Variants in RLN3 observed in about 807,000 individuals in gnomAD.
RLN3 encodes relaxin-3.
Under a neutral mutation model 10.2 loss-of-function variants are expected in RLN3, and 13 were observed. The observed-to-expected ratio is 1.28, with a 90% CI of 0.83 to 2.03. The LOEUF is 2.03. Among genes scored for constraint, RLN3 ranks in the 30% most tolerant of loss-of-function variants. RLN3 has a pLI of 0.00. For synonymous variants in RLN3, 56 were observed against 79.2 expected (o/e 0.71, Z 1.56); for missense variants, 191 against 187.2 (o/e 1.02, Z -0.12).
At position 14,031,228 on chromosome 19, in the gene RLN3, A is replaced by C; in HGVS notation, c.*280A>C. On this transcript the variant is annotated 3_prime_UTR_variant, in exon 2 of 2. Coordinates refer to ENST00000431365, the MANE Select transcript of RLN3 (RefSeq NM_080864.4). ...TGACCCCTGACCTCTCCCCAGCCCT[A>C]ACCATGCGTTTGCCTGGCCTACACA... 2.4e-6 allele frequency: 1 copy of C among 417,910 alleles called. No individual in the cohort carries two copies. The highest frequency in any genetic ancestry group is 4.3e-6 in the Non-Finnish European group (1 of 231,872). The allele number at this position is 417,910 out of a possible 1,614,324, so 25.9% of individuals were successfully genotyped here. A position where few individuals can be genotyped will look rare whatever the true frequency, so the allele number is the denominator to read the frequency against.
In RLN3 at chr19:14,028,259, C is replaced by T; in HGVS notation, c.55C>T (p.Leu19=). 1 of 1,612,912 alleles carries T rather than the reference C, an allele frequency of 6.2e-7. No individual in the cohort carries two copies. ...LLAVWVLTGE[L]WPGAEARAAP... ...GGCGGTATGGGTGCTGACCGGGGAG[C>T]TGTGGCCGGGAGCTGAGGCCCGGGC... Residue 19 remains leucine (L), a synonymous_variant, in exon 1 of 2, where the codon CTG becomes TTG. Coordinates refer to ENST00000431365, the MANE Select transcript of RLN3 (RefSeq NM_080864.4).
Position 14,028,384 on chromosome 19 carries a change from C to T in RLN3, c.180C>T (p.His60=), listed in dbSNP as rs79665112. 0.011 allele frequency: 17,258 copies of T among 1,610,144 alleles called. 1,639 individuals are homozygous for T. In the African/African-American group the frequency reaches 0.2, roughly 19 times the overall value. Reference sequence around the variant, plus strand: ...GGAGACGATCAGACATCCTGGCCCACGAGGCTATGGGTGAGGCTGGGGAGA... The same window carrying T: ...GGAGACGATCAGACATCCTGGCCCATGAGGCTATGGGTGAGGCTGGGGAGA... ...SRWRRSDILA[H]EAMGDTFPDA... is the part of the protein sequence containing the mutation. Residue 60 remains histidine (H), a synonymous_variant, in exon 1 of 2, where the codon CAC becomes CAT. Coordinates refer to ENST00000431365, the MANE Select transcript of RLN3 (RefSeq NM_080864.4).
chr19:14,031,354 TA>T lies in RLN3; in HGVS notation c.*410del. 4.5e-6 allele frequency: 1 copy of T among 221,076 alleles called. No homozygotes were observed. The highest frequency in any genetic ancestry group is 9.0e-6 in the Non-Finnish European group (1 of 111,552). 13.7% of individuals were successfully genotyped at this position (221,076 alleles called of 1,614,324 possible). On this transcript the variant is annotated 3_prime_UTR_variant, in exon 2 of 2. Transcript: ENST00000431365. The stretch of plus-strand genomic sequence containing the variant: ...CTGTGGCCATTGTCCCCTGACCAGC[TA>T]AAATCAAGCCTCTGTCTCAGTCCAG...
In RLN3 at chr19:14,031,502, G is replaced by C; in HGVS notation, c.*554G>C. On this transcript the variant is annotated 3_prime_UTR_variant, in exon 2 of 2. Transcript: ENST00000431365. ...AGGTGGCCCCCCTAGGAGAGCTCTGGGCACATTCGAATCTTCCCAAACTCC... is the reference window on the plus strand; with the variant it reads ...AGGTGGCCCCCCTAGGAGAGCTCTGCGCACATTCGAATCTTCCCAAACTCC... 3.3e-6 allele frequency: 1 copy of C among 300,088 alleles called. No individual in the cohort carries two copies. The allele number at this position is 300,088 out of a possible 1,614,324, so 18.6% of individuals were successfully genotyped here. A position where few individuals can be genotyped will look rare whatever the true frequency, so the allele number is the denominator to read the frequency against.
chr19:14,029,641 G>A (rs975848679), intron 1 of RLN3, among the ~76,000 whole-genome samples: 8 of 151,548 alleles, frequency 5.3e-5, no homozygotes, highest in Middle Eastern at 3.2e-3. Flanking sequence ...ATGAGCCACC[G>A]CGCCCAGCCA....
At chr19:14,030,512 G>C (rs1486070677) in intron 1 of RLN3, among the ~76,000 whole-genome samples, 198 bp from the exon 2 acceptor site, 1 of 152,168 alleles carries the variant, frequency 6.6e-6, no homozygotes, top group Non-Finnish European at 1.5e-5. Flanking sequence ...ACAAAAATCA[G>C]CCAGGCCTGC....
intron 1 of RLN3, chr19:14,030,376 A>G (rs1304352714): frequency 1.5e-6 from 1 of 684,942 alleles, no homozygotes; most frequent in Admixed American, 2.0e-5. Flanking sequence ...AATAAATGAC[A>G]GGGCTGGGTG....
chr19:14,028,434 T>G (rs1599542142), intron 1 of RLN3, 40 bp downstream of exon 1: 1 of 1,558,126 alleles, frequency 6.4e-7, no homozygotes. Context: ...GGGGAACAGG[T>G]GGCTGGATGG....
Position 14,029,287 on chromosome 19 carries a change from T to C in RLN3, c.190+893T>C, listed in dbSNP as rs1241904618. 2.0e-5 allele frequency among the ~76,000 whole-genome samples: 3 copies of C among 151,750 alleles called. No homozygotes were observed. The East Asian group carries it at 5.8e-4, about 29-fold the overall frequency. On this transcript the variant is annotated intron_variant, in intron 1 of 1. Coordinates refer to ENST00000431365, the MANE Select transcript of RLN3 (RefSeq NM_080864.4). The stretch of plus-strand genomic sequence containing the variant: ...AGGAGGATAGGTATGAGCGTGGACA[T>C]AGAAGACACACCACTTGGATTCAGA...
Position 14,031,005 on chromosome 19 carries a change from T to TAGTTGAGTGGATGG in RLN3, c.*57_*58insAGTTGAGTGGATGG. The TAGTTGAGTGGATGG allele has an allele frequency of 8.5e-7, 1 of 1,182,010 alleles. No individual in the cohort carries two copies. Among genetic ancestry groups the TAGTTGAGTGGATGG allele is most frequent in the Non-Finnish European group, 1.2e-6 (1 of 829,252 alleles). The allele number at this position is 1,182,010 out of a possible 1,614,324, so 73.2% of individuals were successfully genotyped here. On this transcript the variant is annotated 3_prime_UTR_variant, in exon 2 of 2. Coordinates refer to ENST00000431365, the MANE Select transcript of RLN3 (RefSeq NM_080864.4). ...CCAATGCCCCAGTCCTGCCATCCAC[T>TAGTTGAGTGGATGG]CAACTAGTGTCTGGCTGGGCACCTG... is the stretch of plus-strand genomic sequence containing the variant.
chr19:14,031,036 C>G lies in RLN3; in HGVS notation c.*88C>G. ...AGTGTCTGGCTGGGCACCTGTCTTTCGAGCCTCACACATTCATTCATTCAT... is the reference window on the plus strand; with the variant it reads ...AGTGTCTGGCTGGGCACCTGTCTTTGGAGCCTCACACATTCATTCATTCAT... On this transcript the variant is annotated 3_prime_UTR_variant, in exon 2 of 2. Coordinates refer to ENST00000431365, the MANE Select transcript of RLN3 (RefSeq NM_080864.4). 1 of 915,096 alleles carries G rather than the reference C, an allele frequency of 1.1e-6. No individual in the cohort carries two copies. The allele number at this position is 915,096 out of a possible 1,614,324, so 56.7% of individuals were successfully genotyped here.
At chr19:14,030,621 A>C in intron 1 of RLN3, 89 bp from the exon 2 acceptor site, 1 of 1,124,268 alleles carries the variant, frequency 8.9e-7, no homozygotes, top group Admixed American at 1.7e-5. Context: ...GACTGTTGTC[A>C]CAAGATCAGA....
intron 1 of RLN3, among the ~76,000 whole-genome samples, chr19:14,029,091 A>G (rs2062803942): frequency 1.3e-5 from 2 of 152,054 alleles, no homozygotes; most frequent in African/African-American, 4.8e-5. Flanking sequence ...TGGGAGACAC[A>G]GTTCCTGAAT....
In RLN3 at chr19:14,031,422, C is replaced by T. The variant is rs1339288357; in HGVS notation, c.*474C>T. On this transcript the variant is annotated 3_prime_UTR_variant, in exon 2 of 2. Transcript: ENST00000431365. Reference sequence around the variant, plus strand: ...TCCTTTGCCCTGCTTTCCATCCCCTCTCCCTCCAACTCCCCTGCCAGAGTT... The same window carrying T: ...TCCTTTGCCCTGCTTTCCATCCCCTTTCCCTCCAACTCCCCTGCCAGAGTT... 2 of 218,794 alleles carry T rather than the reference C, an allele frequency of 9.1e-6. No individual in the cohort carries two copies. Among genetic ancestry groups the T allele is most frequent in the African/African-American group, 2.3e-5 (1 of 42,834 alleles). 13.6% of individuals were successfully genotyped at this position (218,794 alleles called of 1,614,324 possible).
Position 14,028,178 on chromosome 19 carries a change from C to T in RLN3, c.-27C>T, listed in dbSNP as rs1238273210. On this transcript the variant is annotated 5_prime_UTR_variant, in exon 1 of 2. Transcript: ENST00000431365. ...GAGGCAGCAGAGACACTGGCCCACT[C>T]TCACGTTCAAAGCATCTCCGTCCAG... 1 of 1,530,194 alleles carries T rather than the reference C, an allele frequency of 6.5e-7. No homozygotes were observed. Among genetic ancestry groups the T allele is most frequent in the East Asian group, 2.3e-5 (1 of 43,518 alleles). The allele number at this position is 1,530,194 out of a possible 1,614,324, so 94.8% of individuals were successfully genotyped here.
intron 1 of RLN3, among the ~76,000 whole-genome samples, chr19:14,028,662 G>A (rs1322902655): frequency 6.6e-6 from 1 of 152,130 alleles, no homozygotes; most frequent in Admixed American, 6.6e-5. Flanking sequence ...AGACAACACC[G>A]AAGTGTTTTC....
Position 14,030,840 on chromosome 19 carries a change from G to C in RLN3, c.321G>C (p.Trp107Cys). The change falls in exon 2 of 2, where the codon TGG becomes TGC. Residue 107 changes from tryptophan (W) to cysteine (C), a missense_variant. Transcript: ENST00000431365. ...CCTTTTACAGGGGGCGACCCAGCTG[G>C]CAAGGAACCCCTGGGGTTCTTCGGG... is the stretch of plus-strand genomic sequence containing the variant. ...PQAFYRGRPS[W>C]QGTPGVLRGS... 1 of 1,613,588 alleles carries C rather than the reference G, an allele frequency of 6.2e-7. No individual in the cohort carries two copies. The highest frequency in any genetic ancestry group is 1.1e-5 in the South Asian group (1 of 91,062).
chr19:14,031,377 C>G lies in RLN3; in HGVS notation c.*429C>G, dbSNP rs915076890. The stretch of plus-strand genomic sequence containing the variant: ...GCTAAAATCAAGCCTCTGTCTCAGT[C>G]CAGCCTTTGCACGCACGCTTCCTTT... On this transcript the variant is annotated 3_prime_UTR_variant, in exon 2 of 2. Transcript: ENST00000431365. 13 of 221,934 alleles carry G rather than the reference C, an allele frequency of 5.9e-5. No individual in the cohort carries two copies. The highest frequency in any genetic ancestry group is 2.8e-4 in the African/African-American group (12 of 42,832). 13.7% of individuals were successfully genotyped at this position (221,934 alleles called of 1,614,324 possible). A position where few individuals can be genotyped will look rare whatever the true frequency, so the allele number is the denominator to read the frequency against.
At chr19:14,028,626 G>A (rs1176459932) in intron 1 of RLN3, among the ~76,000 whole-genome samples, 1 of 152,102 alleles carries the variant, frequency 6.6e-6, no homozygotes, top group Non-Finnish European at 1.5e-5. Flanking sequence ...GAGGACAGGT[G>A]GGGGCGGGGA....
Sources: allele counts gnomAD v4.1 joint callset (sites outside exome capture counted in the v4.1 genomes callset), GRCh38; gene constraint gnomAD v4.1.1; transcripts MANE v1.5; gene names NCBI Gene and HGNC (gene_info 2026-07-23, HGNC 2026-07-21).